The following FAM107B variants were observed in gnomAD, a reference collection of about 807,000 sequenced individuals.
The protein encoded by FAM107B is family with sequence similarity 107 member B.
A neutral mutation model predicts 31.5 loss-of-function variants in FAM107B; 21 were observed. The ratio of observed to expected loss-of-function variants is 0.67; its 90% CI spans 0.47 to 0.96. The LOEUF is 0.96. FAM107B is among the 40% of genes least tolerant of loss of function. FAM107B has a pLI of 0.00. For synonymous variants in FAM107B, 157 were observed against 141.5 expected (o/e 1.11, Z -0.78); for missense variants, 452 against 377.1 (o/e 1.20, Z -1.64).
chr10:14,593,994 G>T (rs549433933), intron 2 of FAM107B, among the ~76,000 whole-genome samples: 1 of 152,118 alleles, frequency 6.6e-6, no homozygotes, highest in Non-Finnish European at 1.5e-5. Flanking sequence ...TCATTAATAG[G>T]GTAACAGCCT....
At chr10:14,648,587 C>A (rs537667305) in intron 2 of FAM107B, among the ~76,000 whole-genome samples, 1 of 152,292 alleles carries the variant, frequency 6.6e-6, no homozygotes, top group South Asian at 2.1e-4. Context: ...CAGGAGAAAA[C>A]CAGAAGTGAA....
intron 2 of FAM107B, among the ~76,000 whole-genome samples, chr10:14,580,354 C>T (rs961364967): frequency 1.7e-5 from 1 of 58,088 alleles, no homozygotes; most frequent in Non-Finnish European, 4.5e-5. Flanking sequence ...AGCAAGACTC[C>T]GTGCCAAAAA....
rs569892920 is a variant in FAM107B, at chr10:14,672,224, G to T, written c.412-4533C>A. 1.3e-3 allele frequency among the ~76,000 whole-genome samples: 198 copies of T among 152,178 alleles called. 2 individuals are homozygous for T. Among genetic ancestry groups the T allele is most frequent in the Middle Eastern group, 3.4e-3 (1 of 294 alleles). ...CTGCCTCAGCCTCCCGAGCAGCTGG[G>T]ATTACAGGCACCTGCCACCATGCCC... On this transcript the variant is annotated intron_variant, in intron 1 of 4. Transcript: ENST00000181796.
At chr10:14,530,145 G>T in intron 3 of FAM107B, 187 bp downstream of exon 3, 1 of 615,062 alleles carries the variant, frequency 1.6e-6, no homozygotes, top group Non-Finnish European at 2.8e-6. Flanking sequence ...CACAGTGATG[G>T]CCACCTGCAG....
chr10:14,555,675 A>G (rs913479792), intron 2 of FAM107B: 1 of 152,168 alleles, frequency 6.6e-6, no homozygotes, highest in African/African-American at 2.4e-5. Flanking sequence ...CTGCAGAACC[A>G]TTTTCTCCAC....
intron 1 of FAM107B, among the ~76,000 whole-genome samples, chr10:14,710,416 G>T (rs1006354067): frequency 4.1e-5 from 6 of 146,152 alleles, no homozygotes; most frequent in South Asian, 4.3e-4. Flanking sequence ...ATATTTTTTT[G>T]CCTGTCTCTA....
At position 14,753,146 on chromosome 10, in the gene FAM107B, G is replaced by A. The variant is rs563157308; in HGVS notation, c.411+21107C>T. On this transcript the variant is annotated intron_variant, in intron 1 of 4. Coordinates refer to ENST00000181796, the MANE Select transcript of FAM107B (RefSeq NM_031453.4). The stretch of plus-strand genomic sequence containing the variant: ...AAAAAGAGTGATCGTAGTTGTCAGT[G>A]TGTAGACACACACAGACACAAACAC... Among the ~76,000 whole-genome samples, 3 of 152,342 alleles carry A rather than the reference G, an allele frequency of 2.0e-5. No homozygotes were observed. The East Asian group carries it at 5.8e-4, about 29-fold the overall frequency.
chr10:14,707,868 A>C (rs1156381987), intron 1 of FAM107B, among the ~76,000 whole-genome samples: 1 of 152,346 alleles, frequency 6.6e-6, no homozygotes, highest in Non-Finnish European at 1.5e-5. Context: ...AATGAATCCC[A>C]GCTTGTGAAG....
intron 4 of FAM107B, among the ~76,000 whole-genome samples, 168 bp from the exon 5 acceptor site, chr10:14,521,474 C>T (rs924181459): frequency 6.6e-6 from 1 of 152,162 alleles, no homozygotes; most frequent in Admixed American, 6.6e-5. Flanking sequence ...TAATTGTGCA[C>T]AGAAACAGAA....
At chr10:14,666,058 A>G (rs1854396094) in intron 2 of FAM107B, among the ~76,000 whole-genome samples, 1 of 152,160 alleles carries the variant, frequency 6.6e-6, no homozygotes, top group Non-Finnish European at 1.5e-5. Flanking sequence ...AATTACTACT[A>G]TGTATCAGGC....
At chr10:14,604,280 G>T (rs2131380631) in intron 2 of FAM107B, 1 of 979,388 alleles carries the variant, frequency 1.0e-6, no homozygotes, top group South Asian at 4.7e-5. Context: ...CTCCCAGCTC[G>T]CTCCCGGCGC....
chr10:14,584,488 C>T (rs1851759594), intron 2 of FAM107B, among the ~76,000 whole-genome samples: 1 of 152,200 alleles, frequency 6.6e-6, no homozygotes, highest in African/African-American at 2.4e-5. Flanking sequence ...ATGACAACAG[C>T]CTGTAAGATG....
chr10:14,598,344 G>A (rs1852255094), intron 2 of FAM107B, among the ~76,000 whole-genome samples: 1 of 152,156 alleles, frequency 6.6e-6, no homozygotes. Flanking sequence ...AACACATGTG[G>A]TAATATACAT....
At chr10:14,625,831 G>A (rs1264340658) in intron 2 of FAM107B, among the ~76,000 whole-genome samples, 1 of 120,212 alleles carries the variant, frequency 8.3e-6, no homozygotes, top group Non-Finnish European at 1.6e-5. Flanking sequence ...AACACAACAA[G>A]CAAAACCATC....
chr10:14,655,100 G>C (rs1433282921), intron 2 of FAM107B, among the ~76,000 whole-genome samples: 2 of 152,208 alleles, frequency 1.3e-5, no homozygotes, highest in East Asian at 3.9e-4. Context: ...CATGGCAAGA[G>C]AGGATGCAAG....
intron 2 of FAM107B, among the ~76,000 whole-genome samples, chr10:14,586,476 G>T (rs1359806109): frequency 6.6e-6 from 1 of 152,108 alleles, no homozygotes; most frequent in Non-Finnish European, 1.5e-5. Flanking sequence ...ATGATATTTG[G>T]AAGTGGGGCT....
chr10:14,711,705 G>A (rs1466001877), intron 1 of FAM107B, among the ~76,000 whole-genome samples: 5 of 152,140 alleles, frequency 3.3e-5, no homozygotes, highest in Admixed American at 6.6e-5. Context: ...GTGCAGTGGT[G>A]TGATCTCAGC....
chr10:14,757,673 T>C (rs1013021597), intron 1 of FAM107B, among the ~76,000 whole-genome samples: 6 of 152,152 alleles, frequency 3.9e-5, no homozygotes, highest in African/African-American at 1.4e-4. Flanking sequence ...CAATGTCACA[T>C]AGTGAAGCCC....
chr10:14,544,247 C>T (rs1199793259), intron 2 of FAM107B, among the ~76,000 whole-genome samples: 6 of 152,126 alleles, frequency 3.9e-5, no homozygotes, highest in Admixed American at 2.6e-4. Context: ...TCACCCATAC[C>T]GTATACGATA....
Sources: allele counts gnomAD v4.1 joint callset (sites outside exome capture counted in the v4.1 genomes callset), GRCh38; gene constraint gnomAD v4.1.1; transcripts MANE v1.5; gene names NCBI Gene and HGNC (gene_info 2026-07-23, HGNC 2026-07-21).